RGS22: variants seen among roughly 807,000 people sequenced by gnomAD.
The protein encoded by RGS22 is regulator of G-protein signaling 22.
Under a neutral mutation model 172.9 loss-of-function variants are expected in RGS22, and 148 were observed. The ratio of observed to expected loss-of-function variants is 0.86; its 90% CI spans 0.75 to 0.98. RGS22 has a LOEUF of 0.98. Among genes scored for constraint, RGS22 ranks in the 50% least tolerant of loss-of-function variants. The probability of loss-of-function intolerance (pLI) is 0.00; values close to 1 mark genes in which losing one functional copy is unlikely to be tolerated. For missense variants in RGS22, 1,347 were observed against 1,440.8 expected, an observed-to-expected ratio of 0.93 and a Z score of 1.05; for synonymous variants, 458 against 480.2, an observed-to-expected ratio of 0.95 and a Z score of 0.60.
At chr8:100,043,428 C>A (rs887089533) in intron 11 of RGS22, among the ~76,000 whole-genome samples, 3 of 152,178 alleles carry the variant, frequency 2.0e-5, no homozygotes. Context: ...CAAGTCTTCA[C>A]ATTAAAAATA....
chr8:100,100,278 G>GT (rs1813364050), intron 2 of RGS22, among the ~76,000 whole-genome samples: 1 of 148,822 alleles, frequency 6.7e-6, no homozygotes, highest in South Asian at 2.1e-4. Context: ...TTTAAAGTTT[G>GT]TATTTTTTTC....
chr8:100,050,005 T>C (rs1036200143), intron 10 of RGS22, among the ~76,000 whole-genome samples: 3 of 145,970 alleles, frequency 2.1e-5, no homozygotes, highest in African/African-American at 7.7e-5. Context: ...GCCGAGACCA[T>C]GCCATTGCAC....
intron 8 of RGS22, 66 bp from the exon 9 acceptor site, chr8:100,062,818 A>G: frequency 1.6e-6 from 2 of 1,268,416 alleles, no homozygotes; most frequent in Non-Finnish European, 2.2e-6. Context: ...ACCAAAATGT[A>G]GTTGAATATT....
intron 5 of RGS22, 56 bp from the exon 6 acceptor site, chr8:100,071,593 G>A: frequency 6.8e-7 from 1 of 1,463,840 alleles, no homozygotes; most frequent in Non-Finnish European, 9.3e-7. Context: ...GCAGAATTCA[G>A]GGAAAAAACC....
At chr8:99,964,145 T>C (rs1376684894) in intron 24 of RGS22, among the ~76,000 whole-genome samples, 1 of 152,102 alleles carries the variant, frequency 6.6e-6, no homozygotes, top group East Asian at 1.9e-4. Context: ...GGTTTCAAGA[T>C]AATACTGACT....
chr8:100,009,579 A>T (rs775525835), intron 14 of RGS22, among the ~76,000 whole-genome samples: 31 of 152,178 alleles, frequency 2.0e-4, no homozygotes, highest in Admixed American at 7.9e-4. Flanking sequence ...TGTTTAAAAA[A>T]TGTTTGCATA....
intron 23 of RGS22, among the ~76,000 whole-genome samples, chr8:99,971,841 T>C (rs1456399791): frequency 6.6e-6 from 1 of 152,124 alleles, no homozygotes; most frequent in African/African-American, 2.4e-5. Context: ...AATTTATAGA[T>C]TCAATTCTAT....
chr8:100,005,323 A>AT (rs1815574751), intron 16 of RGS22, among the ~76,000 whole-genome samples: 1 of 152,190 alleles, frequency 6.6e-6, no homozygotes, highest in Admixed American at 6.5e-5. Context: ...TTATGGATAC[A>AT]TGCAGAAATA....
chr8:100,059,817 T>C (rs765750251), intron 9 of RGS22, among the ~76,000 whole-genome samples: 4 of 152,214 alleles, frequency 2.6e-5, no homozygotes, highest in Non-Finnish European at 5.9e-5. Flanking sequence ...GATGTTACCA[T>C]TGGGGAAAAA....
In RGS22 at chr8:99,981,921, T is replaced by G. The variant is rs1480715584; in HGVS notation, c.3360+16A>C. 1.1e-5 allele frequency: 18 copies of G among 1,593,082 alleles called. No homozygotes were observed. The highest frequency in any genetic ancestry group is 1.5e-5 in the Non-Finnish European group (18 of 1,170,322). On this transcript the variant is annotated intron_variant, in intron 22 of 27. Transcript: ENST00000360863. Reference sequence around the variant, plus strand: ...CTATTTTAAAATATGCTTAGCCACATGCCCTGATCTCTTACCTGTGCCTCT... The same window carrying G: ...CTATTTTAAAATATGCTTAGCCACAGGCCCTGATCTCTTACCTGTGCCTCT...
intron 14 of RGS22, among the ~76,000 whole-genome samples, chr8:100,015,871 C>T (rs1031349242): frequency 3.3e-5 from 5 of 152,130 alleles, no homozygotes; most frequent in South Asian, 2.1e-4. Context: ...GCTCTAGCCA[C>T]GGGGATTCAT....
intron 20 of RGS22, among the ~76,000 whole-genome samples, chr8:99,991,728 G>GT (rs1295511334): frequency 6.6e-6 from 1 of 152,184 alleles, no homozygotes; most frequent in African/African-American, 2.4e-5. Context: ...CCCCAACCCA[G>GT]TAAGGCAGGC....
At chr8:100,024,919 G>A (rs1359167683) in intron 14 of RGS22, among the ~76,000 whole-genome samples, 4 of 151,868 alleles carry the variant, frequency 2.6e-5, no homozygotes, top group Non-Finnish European at 4.4e-5. Flanking sequence ...AAACATTAAC[G>A]AAACGTCAGG....
At chr8:100,087,182 A>G (rs934661060) in intron 3 of RGS22, among the ~76,000 whole-genome samples, 1 of 152,162 alleles carries the variant, frequency 6.6e-6, no homozygotes, top group Non-Finnish European at 1.5e-5. Context: ...GAAATGAATG[A>G]TGTAGAAAGT....
chr8:100,006,969 A>G (rs1815793170), intron 15 of RGS22, among the ~76,000 whole-genome samples: 1 of 152,192 alleles, frequency 6.6e-6, no homozygotes, highest in South Asian at 2.1e-4. Flanking sequence ...TACGGCATAC[A>G]CTATATTTAA....
chr8:99,985,190 G>A (rs1241444917), intron 21 of RGS22, among the ~76,000 whole-genome samples: 1 of 152,128 alleles, frequency 6.6e-6, no homozygotes, highest in Non-Finnish European at 1.5e-5. Flanking sequence ...GGAATTTCTT[G>A]GCCTTTCTGT....
chr8:100,045,346 A>G (rs2131628763), intron 11 of RGS22, among the ~76,000 whole-genome samples: 1 of 152,284 alleles, frequency 6.6e-6, no homozygotes, highest in Admixed American at 6.5e-5. Context: ...TATGTGCCAG[A>G]TACTGTACTA....
intron 14 of RGS22, among the ~76,000 whole-genome samples, chr8:100,009,116 A>G (rs1816070452): frequency 6.6e-6 from 1 of 152,174 alleles, no homozygotes; most frequent in Non-Finnish European, 1.5e-5. Flanking sequence ...GACATAAAGA[A>G]AAGCATAAGA....
At chr8:100,091,596 T>A (rs549412880) in intron 3 of RGS22, among the ~76,000 whole-genome samples, 1 of 152,330 alleles carries the variant, frequency 6.6e-6, no homozygotes, top group East Asian at 1.9e-4. Flanking sequence ...TAGATTTTTT[T>A]AAAAGAAAGT....
Sources: allele counts gnomAD v4.1 joint callset (sites outside exome capture counted in the v4.1 genomes callset), GRCh38; gene constraint gnomAD v4.1.1; transcripts MANE v1.5; gene names NCBI Gene and HGNC (gene_info 2026-07-23, HGNC 2026-07-21).